The following C12orf42 variants were observed in gnomAD, a reference collection of about 807,000 sequenced individuals.
C12orf42 encodes the protein uncharacterized protein C12orf42.
In C12orf42, 25 loss-of-function variants were observed where a neutral mutation model predicts 21.6. That is an observed-to-expected ratio of 1.16 (90% CI 0.84 to 1.62). C12orf42 has a LOEUF of 1.62. C12orf42 is among the 40% of genes most tolerant of loss of function. The pLI is 0.00. For synonymous variants in C12orf42, 174 were observed against 175.0 expected (o/e 0.99, Z 0.05); for missense variants, 483 against 459.3 (o/e 1.05, Z -0.47).
the C12orf42 span, among the ~76,000 whole-genome samples, chr12:103,112,903 G>A: frequency 6.6e-6 from 1 of 152,078 alleles, no homozygotes; most frequent in East Asian, 1.9e-4. Flanking sequence ...TGTACCTGCT[G>A]GCCTACTTCT....
chr12:103,389,808 G>T (rs966106380), intron 3 of C12orf42, among the ~76,000 whole-genome samples: 2 of 152,060 alleles, frequency 1.3e-5, no homozygotes, highest in Admixed American at 1.3e-4. Flanking sequence ...GATGCAGCTG[G>T]GCAGCATGCG....
the C12orf42 span, among the ~76,000 whole-genome samples, chr12:103,215,154 T>A: frequency 1.3e-5 from 2 of 152,096 alleles, no homozygotes; most frequent in African/African-American, 4.8e-5. Flanking sequence ...AATAAACATG[T>A]CTTGAACCCC....
the C12orf42 span, among the ~76,000 whole-genome samples, chr12:103,530,477 C>T: frequency 5.2e-4 from 79 of 152,288 alleles, no homozygotes; most frequent in Middle Eastern, 3.4e-3. Context: ...TCATTTGTGA[C>T]GAGTGGGAAA....
At chr12:103,430,480 T>C (rs2139319367) in intron 2 of C12orf42, among the ~76,000 whole-genome samples, 1 of 152,194 alleles carries the variant, frequency 6.6e-6, no homozygotes, top group East Asian at 1.9e-4. Context: ...CTGGAGAGAA[T>C]GTAGAGAAAA....
At chr12:103,221,057 A>G in the C12orf42 span, among the ~76,000 whole-genome samples, 104 of 152,330 alleles carry the variant, frequency 6.8e-4, no homozygotes, top group African/African-American at 1.9e-3. Flanking sequence ...TGTAGTTTTA[A>G]CATCTTCAGC....
At chr12:103,305,042 A>G (rs548209793) in intron 5 of C12orf42, among the ~76,000 whole-genome samples, 1 of 152,286 alleles carries the variant, frequency 6.6e-6, no homozygotes, top group South Asian at 2.1e-4. Context: ...GGAAGAAAAA[A>G]ATTGTCTTGT....
chr12:103,291,773 G>A (rs1165201640), intron 4 of C12orf42, among the ~76,000 whole-genome samples: 3 of 152,136 alleles, frequency 2.0e-5, no homozygotes, highest in African/African-American at 7.2e-5. Flanking sequence ...AATGAGCAGT[G>A]AGAGCAACTA....
intron 2 of C12orf42, among the ~76,000 whole-genome samples, chr12:103,477,323 T>C (rs1954132189): frequency 6.6e-6 from 1 of 152,086 alleles, no homozygotes; most frequent in Non-Finnish European, 1.5e-5. Flanking sequence ...GTGAAAGTGT[T>C]CTACTCCAAG....
the C12orf42 span, among the ~76,000 whole-genome samples, chr12:103,529,490 C>T: frequency 3.9e-4 from 60 of 152,232 alleles, no homozygotes; most frequent in South Asian, 9.8e-3. Context: ...CTCAGGATAC[C>T]CGTTGCCACA....
chr12:103,059,064 G>A, the C12orf42 span, among the ~76,000 whole-genome samples: 1 of 151,828 alleles, frequency 6.6e-6, no homozygotes, highest in Non-Finnish European at 1.5e-5. Flanking sequence ...AATTAACAAA[G>A]TAGATAGACC....
intron 3 of C12orf42, among the ~76,000 whole-genome samples, chr12:103,370,350 T>C (rs1026864771): frequency 6.6e-6 from 1 of 152,136 alleles, no homozygotes; most frequent in African/African-American, 2.4e-5. Context: ...AGAATTATCA[T>C]TTGATCCAGC....
intron 2 of C12orf42, among the ~76,000 whole-genome samples, chr12:103,443,631 C>A (rs999940466): frequency 4.6e-5 from 7 of 152,028 alleles, no homozygotes; most frequent in African/African-American, 1.7e-4. Context: ...ATTAAAAATT[C>A]TCTGCAGGTC....
chr12:103,109,611 A>ATATATATGG, the C12orf42 span, among the ~76,000 whole-genome samples: 1 of 148,824 alleles, frequency 6.7e-6, no homozygotes, highest in Admixed American at 6.7e-5. Context: ...ATATAATTAA[A>ATATATATGG]TATTATATAA....
the C12orf42 span, among the ~76,000 whole-genome samples, chr12:103,068,560 T>C: frequency 6.6e-6 from 1 of 151,988 alleles, no homozygotes; most frequent in Non-Finnish European, 1.5e-5. Flanking sequence ...TGTGAGGGTG[T>C]TGCCAAAGGA....
chr12:103,195,310 A>C, the C12orf42 span, among the ~76,000 whole-genome samples: 181 of 152,306 alleles, frequency 1.2e-3, no homozygotes, highest in Non-Finnish European at 1.6e-3. Context: ...GTATATACCC[A>C]GTAATGGAAT....
At chr12:103,550,248 G>A in the C12orf42 span, among the ~76,000 whole-genome samples, 1 of 151,868 alleles carries the variant, frequency 6.6e-6, no homozygotes, top group African/African-American at 2.4e-5. Flanking sequence ...ATATAAACAT[G>A]CAAAAAGAAT....
chr12:103,155,166 T>A, the C12orf42 span: 1 of 152,208 alleles, frequency 6.6e-6, no homozygotes, highest in African/African-American at 2.4e-5. Flanking sequence ...TTGAAGATAA[T>A]GCTTGGACAA....
the C12orf42 span, among the ~76,000 whole-genome samples, chr12:103,112,426 G>A: frequency 2.6e-5 from 4 of 152,112 alleles, no homozygotes; most frequent in African/African-American, 7.2e-5. Flanking sequence ...TTGGGAAGCC[G>A]AGGCAGGCGG....
the C12orf42 span, among the ~76,000 whole-genome samples, chr12:103,507,190 TA>T: frequency 4.0e-5 from 1 of 25,260 alleles, no homozygotes; most frequent in African/African-American, 4.3e-4. Context: ...ATATATAATA[TA>T]TATATATTTA....
Sources: allele counts gnomAD v4.1 joint callset (sites outside exome capture counted in the v4.1 genomes callset), GRCh38; gene constraint gnomAD v4.1.1; transcripts MANE v1.5; gene names NCBI Gene and HGNC (gene_info 2026-07-23, HGNC 2026-07-21).